Variants in RNLS observed in about 807,000 individuals in gnomAD.
The protein encoded by RNLS is renalase.
Under a neutral mutation model 39.8 loss-of-function variants are expected in RNLS, and 39 were observed. The ratio of observed to expected loss-of-function variants is 0.98; its 90% CI spans 0.76 to 1.28. The LOEUF is 1.28. RNLS is among the 50% of genes most tolerant of loss of function. The probability of loss-of-function intolerance (pLI) is 0.00; values close to 1 mark genes in which losing one functional copy is unlikely to be tolerated. For synonymous variants in RNLS, 147 were observed against 150.7 expected (o/e 0.98, Z 0.18); for missense variants, 410 against 413.3 (o/e 0.99, Z 0.07).
intron 4 of RNLS, among the ~76,000 whole-genome samples, chr10:88,466,173 T>C (rs1843194701): frequency 6.6e-6 from 1 of 152,072 alleles, no homozygotes; most frequent in Admixed American, 6.6e-5. Context: ...CTGCCCAATA[T>C]ACCCATTAGA....
intron 4 of RNLS, among the ~76,000 whole-genome samples, chr10:88,399,717 T>G (rs900492434): frequency 1.3e-5 from 2 of 152,076 alleles, no homozygotes; most frequent in African/African-American, 4.8e-5. Flanking sequence ...TCTCTGTGAA[T>G]ACATAAGGGT....
chr10:88,172,874 T>TTTTTTTTTTTTTTTA, the RNLS span, among the ~76,000 whole-genome samples: 1 of 126,202 alleles, frequency 7.9e-6, no homozygotes, highest in Admixed American at 8.0e-5. Context: ...TTTTTTTTTT[T>TTTTTTTTTTTTTTTA]TAGATGGAGT....
intron 4 of RNLS, among the ~76,000 whole-genome samples, chr10:88,426,583 T>C (rs1854783316): frequency 2.0e-5 from 3 of 152,072 alleles, no homozygotes; most frequent in African/African-American, 4.8e-5. Context: ...ATTGCTAGCA[T>C]TTAATCATAG....
chr10:88,441,556 G>C (rs180722660), intron 4 of RNLS, among the ~76,000 whole-genome samples: 1 of 152,184 alleles, frequency 6.6e-6, no homozygotes, highest in Non-Finnish European at 1.5e-5. Flanking sequence ...TGGGATGCCT[G>C]TTGCTTCATG....
At chr10:88,371,351 T>A (rs977036180) in intron 4 of RNLS, among the ~76,000 whole-genome samples, 6 of 152,260 alleles carry the variant, frequency 3.9e-5, no homozygotes, top group Middle Eastern at 3.4e-3. Flanking sequence ...GGTGGCATCC[T>A]AATAGTCAAG....
chr10:88,537,069 A>G (rs951119325), intron 4 of RNLS, among the ~76,000 whole-genome samples: 3 of 152,204 alleles, frequency 2.0e-5, no homozygotes, highest in Admixed American at 6.6e-5. Context: ...ATGTTTAACA[A>G]TGGTTCTAGG....
chr10:88,543,021 GTT>G (rs1848128421), intron 4 of RNLS, among the ~76,000 whole-genome samples: 1 of 152,106 alleles, frequency 6.6e-6, no homozygotes, highest in South Asian at 2.1e-4. Flanking sequence ...TCCATGAGGA[GTT>G]TTTGTTTTTG....
intron 4 of RNLS, among the ~76,000 whole-genome samples, chr10:88,485,940 A>G (rs1166393559): frequency 6.6e-6 from 1 of 152,102 alleles, no homozygotes; most frequent in African/African-American, 2.4e-5. Flanking sequence ...CCAATAAAAT[A>G]TTAATTCTGA....
intron 4 of RNLS, among the ~76,000 whole-genome samples, chr10:88,519,882 G>T (rs1846627097): frequency 1.3e-5 from 2 of 151,844 alleles, no homozygotes; most frequent in African/African-American, 4.8e-5. Context: ...GCCTCCAGCT[G>T]ACATATCACT....
intron 4 of RNLS, among the ~76,000 whole-genome samples, chr10:88,407,986 C>G (rs1407723619): frequency 2.4e-4 from 36 of 152,070 alleles, no homozygotes; most frequent in Admixed American, 2.4e-3. Context: ...TCTTTACCCC[C>G]ACCTCCCACC....
downstream of RNLS, among the ~76,000 whole-genome samples, chr10:88,279,194 G>A (rs1842921542): frequency 1.3e-5 from 2 of 152,136 alleles, no homozygotes; most frequent in South Asian, 4.1e-4. Flanking sequence ...CCTTAAGGTG[G>A]CACTTAAATA....
intron 4 of RNLS, among the ~76,000 whole-genome samples, chr10:88,510,849 GAAAA>G (rs950402467): frequency 7.5e-6 from 1 of 133,844 alleles, no homozygotes; most frequent in Non-Finnish European, 1.6e-5. Flanking sequence ...TCTGTTTCGA[GAAAA>G]AAAAAAAAGT....
At chr10:88,192,886 G>A in the RNLS span, among the ~76,000 whole-genome samples, 3 of 152,144 alleles carry the variant, frequency 2.0e-5, no homozygotes, top group Admixed American at 1.3e-4. Flanking sequence ...AGTTTAGGTG[G>A]TGGTACCCTG....
intron 4 of RNLS, among the ~76,000 whole-genome samples, chr10:88,421,026 T>G (rs1327922997): frequency 6.6e-6 from 1 of 152,212 alleles, no homozygotes; most frequent in African/African-American, 2.4e-5. Context: ...CTGAGACCAC[T>G]GAGGAACGTC....
At chr10:88,381,572 T>C (rs567236109) in intron 4 of RNLS, among the ~76,000 whole-genome samples, 1 of 151,998 alleles carries the variant, frequency 6.6e-6, no homozygotes, top group Non-Finnish European at 1.5e-5. Flanking sequence ...AGGCTTTCAG[T>C]TGATTCTCCT....
At chr10:88,387,869 A>G (rs1851965263) in intron 4 of RNLS, among the ~76,000 whole-genome samples, 1 of 152,216 alleles carries the variant, frequency 6.6e-6, no homozygotes, top group East Asian at 1.9e-4. Flanking sequence ...CGGGCAATGC[A>G]GACAGGAGTG....
chr10:88,549,427 G>A (rs10430716), intron 4 of RNLS, among the ~76,000 whole-genome samples: 63,800 of 151,222 alleles, frequency 0.42, 14,206 homozygotes, highest in African/African-American at 0.56. Flanking sequence ...GTTGTCAGGC[G>A]TGGTGGTATG....
At chr10:88,348,388 C>A (rs1848455310) in intron 5 of RNLS, among the ~76,000 whole-genome samples, 1 of 152,130 alleles carries the variant, frequency 6.6e-6, no homozygotes, top group South Asian at 2.1e-4. Flanking sequence ...TCTTGGCCAA[C>A]CTGAAGGTCT....
At chr10:88,312,131 G>C (rs1367227497) in intron 6 of RNLS, among the ~76,000 whole-genome samples, 2 of 152,228 alleles carry the variant, frequency 1.3e-5, no homozygotes, top group Non-Finnish European at 2.9e-5. Flanking sequence ...CAATGGAAAG[G>C]AAGATTTTAG....
Sources: gnomAD v4.1 joint callset for allele counts (sites outside exome capture counted in the v4.1 genomes callset) on GRCh38, gnomAD v4.1.1 for gene constraint, MANE v1.5 for transcripts, NCBI Gene and HGNC (gene_info 2026-07-23, HGNC 2026-07-21) for gene names.